ZNF469: variants seen among roughly 807,000 people sequenced by gnomAD.
ZNF469 encodes the protein zinc finger protein 469.
Under a neutral mutation model 1.0 loss-of-function variants are expected in ZNF469, and 1 was observed. That is an observed-to-expected ratio of 1.00 (90% CI 0.35 to 4.73). The LOEUF (loss-of-function observed/expected upper bound fraction) is 4.73. Among genes scored for constraint, ZNF469 ranks in the 30% most tolerant of loss-of-function variants. The pLI, the probability that ZNF469 is intolerant of heterozygous loss-of-function variation, is 0.16. For missense variants in ZNF469, 6,100 were observed against 5,356.3 expected (o/e 1.14, Z -4.33); for synonymous variants, 2,703 against 2,363.4 (o/e 1.14, Z -4.17).
the ZNF469 span, among the ~76,000 whole-genome samples, chr16:88,183,485 G>T: frequency 6.6e-6 from 1 of 152,166 alleles, no homozygotes; most frequent in Non-Finnish European, 1.5e-5. Context: ...GCCACCACAC[G>T]GGTCCCGCGA....
chr16:88,143,761 G>A, the ZNF469 span, among the ~76,000 whole-genome samples: 3 of 152,228 alleles, frequency 2.0e-5, no homozygotes, highest in Non-Finnish European at 2.9e-5. Context: ...TGCGGGGAGC[G>A]GTCCCGGCTG....
the ZNF469 span, among the ~76,000 whole-genome samples, chr16:88,181,037 T>G: frequency 6.6e-6 from 1 of 151,972 alleles, no homozygotes; most frequent in Non-Finnish European, 1.5e-5. Flanking sequence ...ATTTGACATT[T>G]ATTAAGCAAT....
In ZNF469 at chr16:88,429,006, G is replaced by T; in HGVS notation, c.1536G>T (p.Glu512Asp). The change falls in exon 3 of 3, where the codon GAG becomes GAT. Residue 512 changes from glutamate to aspartate, a missense_variant. Coordinates refer to ENST00000565624, the MANE Select transcript of ZNF469 (RefSeq NM_001367624.2). ...SRLPFPAGGP[E>D]WQGGSQGALG... ...TGCCTTTCCCCGCGGGGGGCCCCGA[G>T]TGGCAGGGGGGCAGCCAAGGAGCCC... 1 of 1,549,632 alleles carries T rather than the reference G, an allele frequency of 6.5e-7. No individual in the cohort carries two copies. The highest frequency in any genetic ancestry group is 8.7e-7 in the Non-Finnish European group (1 of 1,146,772).
At chr16:88,355,570 C>T in the ZNF469 span, among the ~76,000 whole-genome samples, 1 of 152,236 alleles carries the variant, frequency 6.6e-6, no homozygotes, top group Non-Finnish European at 1.5e-5. Flanking sequence ...AGGCCAGGCC[C>T]TCAGATCTCA....
At chr16:88,121,885 G>A in the ZNF469 span, among the ~76,000 whole-genome samples, 1 of 152,302 alleles carries the variant, frequency 6.6e-6, no homozygotes, top group Middle Eastern at 3.4e-3. Flanking sequence ...AGAGGCTCGT[G>A]GTAACGCGTA....
At chr16:88,398,950 C>A (rs1291615872) in intron 1 of ZNF469, among the ~76,000 whole-genome samples, 1 of 152,210 alleles carries the variant, frequency 6.6e-6, no homozygotes, top group South Asian at 2.1e-4. Flanking sequence ...AAACCACCAC[C>A]CCCCCAGGAT....
chr16:88,387,174 C>A (rs977219615), intron 1 of ZNF469, among the ~76,000 whole-genome samples: 1 of 152,204 alleles, frequency 6.6e-6, no homozygotes, highest in Non-Finnish European at 1.5e-5. Flanking sequence ...CGGACGCCGT[C>A]CGCACCCCTG....
the ZNF469 span, among the ~76,000 whole-genome samples, chr16:88,214,058 G>T: frequency 6.6e-6 from 1 of 152,182 alleles, no homozygotes; most frequent in Admixed American, 6.5e-5. Flanking sequence ...GGTTACTCTT[G>T]TCTTGGCTGC....
the ZNF469 span, among the ~76,000 whole-genome samples, chr16:88,134,647 C>T: frequency 6.6e-6 from 1 of 152,212 alleles, no homozygotes; most frequent in Admixed American, 6.5e-5. Flanking sequence ...CATCCATTTC[C>T]ATCTGCCGAC....
chr16:88,375,515 T>A, the ZNF469 span, among the ~76,000 whole-genome samples: 1 of 152,256 alleles, frequency 6.6e-6, no homozygotes, highest in Admixed American at 6.5e-5. Flanking sequence ...GGCTGGCTAC[T>A]GGTACCATTG....
At chr16:88,335,006 A>T in the ZNF469 span, among the ~76,000 whole-genome samples, 1 of 152,166 alleles carries the variant, frequency 6.6e-6, no homozygotes, top group Non-Finnish European at 1.5e-5. Context: ...CAACGGGAGG[A>T]CACATGTGTG....
the ZNF469 span, among the ~76,000 whole-genome samples, chr16:88,130,891 G>C: frequency 6.6e-6 from 1 of 152,200 alleles, no homozygotes; most frequent in African/African-American, 2.4e-5. Flanking sequence ...CCGCGGAGTG[G>C]GGGTGTGAAG....
At position 88,433,252 on chromosome 16, in the gene ZNF469, G is replaced by C; in HGVS notation, c.5782G>C (p.Ala1928Pro). The change falls in exon 3 of 3, where the codon GCT (alanine) becomes CCT (proline). Residue 1928 changes from alanine to proline, a missense_variant. By Grantham distance (27) the Ala-to-Pro change is conservative. Transcript: ENST00000565624. The stretch of plus-strand genomic sequence containing the variant: ...CCTGGGCTTGCAGGAGCTGACACCT[G>C]CTGCCCAGAGCCCTCCACGAGTGAA... ...GILGLQELTP[A>P]AQSPPRVNPS... is the part of the protein sequence containing the mutation. The C allele has an allele frequency of 6.5e-7, 1 of 1,550,276 alleles. No homozygotes were observed. Among genetic ancestry groups the C allele is most frequent in the Non-Finnish European group, 8.7e-7 (1 of 1,146,948 alleles).
chr16:88,401,484 TGGATG>T, intron 1 of ZNF469, among the ~76,000 whole-genome samples: 1 of 152,122 alleles, frequency 6.6e-6, no homozygotes, highest in South Asian at 2.1e-4. Flanking sequence ...GATGGATGGA[TGGATG>T]GATGCTGGGG....
chr16:88,256,177 C>T, the ZNF469 span, among the ~76,000 whole-genome samples: 19 of 152,276 alleles, frequency 1.2e-4, no homozygotes, highest in Admixed American at 3.9e-4. Flanking sequence ...GTAGTTTCAC[C>T]GCCCTAAAAA....
chr16:88,416,359 C>T (rs1229920144), intron 1 of ZNF469, among the ~76,000 whole-genome samples: 4 of 152,220 alleles, frequency 2.6e-5, no homozygotes, highest in African/African-American at 9.6e-5. Flanking sequence ...TATTGCTGCC[C>T]GGGCGTCCTC....
At position 88,424,384 on chromosome 16, in the gene ZNF469, G is replaced by T. The variant is rs576373189; in HGVS notation, c.-191-423G>T. 6.6e-6 allele frequency among the ~76,000 whole-genome samples: 1 copy of T among 152,206 alleles called. No homozygotes were observed. Among genetic ancestry groups the T allele is most frequent in the African/African-American group, 2.4e-5 (1 of 41,440 alleles). On this transcript the variant is annotated intron_variant, in intron 1 of 2. Coordinates refer to ENST00000565624, the MANE Select transcript of ZNF469 (RefSeq NM_001367624.2). This position sits in a 1 kb window ranked among gnomAD's most constrained non-coding sequence, Gnocchi z 4.3. ...TGGTGTTTGCATCCAGGGACTCTGGGAGGAAACACCAGAAGCTCCTCTAGT... is the reference window on the plus strand; with the variant it reads ...TGGTGTTTGCATCCAGGGACTCTGGTAGGAAACACCAGAAGCTCCTCTAGT...
the ZNF469 span, among the ~76,000 whole-genome samples, chr16:88,213,411 T>C: frequency 6.6e-6 from 1 of 152,184 alleles, no homozygotes; most frequent in East Asian, 1.9e-4. Context: ...TGTTTGCTTT[T>C]AATAGTAGTT....
chr16:88,409,312 T>C (rs1905085089), intron 1 of ZNF469, among the ~76,000 whole-genome samples: 1 of 152,208 alleles, frequency 6.6e-6, no homozygotes. Flanking sequence ...GGGATCTCCA[T>C]CCTTCCCTCG....
Sources: gnomAD v4.1 joint callset for allele counts (sites outside exome capture counted in the v4.1 genomes callset) on GRCh38, gnomAD v4.1.1 for gene constraint, Gnocchi (gnomAD v3.1) non-coding constraint, MANE v1.5 for transcripts, NCBI Gene and HGNC (gene_info 2026-07-23, HGNC 2026-07-21) for gene names.